The following KCNMA1 variants were observed in gnomAD, a reference collection of about 807,000 sequenced individuals.
The protein encoded by KCNMA1 is Calcium-activated potassium channel subunit alpha-1.
Under a neutral mutation model 140.0 loss-of-function variants are expected in KCNMA1, and 29 were observed. The observed-to-expected ratio is 0.21, with a 90% CI of 0.15 to 0.28. The LOEUF (loss-of-function observed/expected upper bound fraction) is 0.28, where lower values mean the gene tolerates loss of function less well. Among genes scored for constraint, KCNMA1 ranks in the 10% least tolerant of loss-of-function variants. The probability of loss-of-function intolerance (pLI) is 1.00; values close to 1 mark genes in which losing one functional copy is unlikely to be tolerated. For missense variants in KCNMA1, 880 were observed against 1,602.2 expected, an observed-to-expected ratio of 0.55 and a Z score of 7.70; for synonymous variants, 612 against 611.9, an observed-to-expected ratio of 1.00 and a Z score of 0.00.
intron 2 of KCNMA1, among the ~76,000 whole-genome samples, chr10:77,283,040 T>C (rs2154297975): frequency 6.6e-6 from 1 of 152,306 alleles, no homozygotes; most frequent in South Asian, 2.1e-4. Flanking sequence ...GAAGTTGTGG[T>C]GCCAACATAA....
At position 76,928,305 on chromosome 10, in the gene KCNMA1, ACACACG is replaced by A. The variant is rs769282527; in HGVS notation, c.2903-13262_2903-13257del. Among the ~76,000 whole-genome samples, 455 of 78,004 alleles carry A rather than the reference ACACACG, an allele frequency of 5.8e-3. 3 individuals carry two copies. Among genetic ancestry groups the A allele is most frequent in the African/African-American group, 0.014 (396 of 28,432 alleles). 51.2% of individuals were successfully genotyped at this position (78,004 alleles called of 152,430 possible). A position where few individuals can be genotyped will look rare whatever the true frequency, so the allele number is the denominator to read the frequency against. ...CACGCGCGCGCACACACACACACACACACACGCACATACACACACATATTTAGACCT... is the reference window on the plus strand; with the variant it reads ...CACGCGCGCGCACACACACACACACACACATACACACACATATTTAGACCT... On this transcript the variant is annotated intron_variant, in intron 23 of 27. Coordinates refer to ENST00000286628, the MANE Select transcript of KCNMA1 (RefSeq NM_001161352.2).
intron 27 of KCNMA1, among the ~76,000 whole-genome samples, chr10:76,888,875 G>C (rs1235985320): frequency 6.6e-6 from 1 of 151,930 alleles, no homozygotes; most frequent in African/African-American, 2.4e-5. Flanking sequence ...GACCAGCCTG[G>C]CCAACAAGCC....
intron 14 of KCNMA1, among the ~76,000 whole-genome samples, chr10:77,057,997 G>A (rs1051360912): frequency 6.6e-5 from 10 of 151,666 alleles, no homozygotes; most frequent in African/African-American, 1.7e-4. Flanking sequence ...AAAATCACCC[G>A]ACTATAAACT....
intron 2 of KCNMA1, among the ~76,000 whole-genome samples, chr10:77,318,432 G>A (rs372651596): frequency 1.7e-4 from 26 of 152,162 alleles, no homozygotes; most frequent in African/African-American, 6.0e-4. Flanking sequence ...TGCTTGTTAC[G>A]GCTCACACCA....
chr10:77,313,254 G>A (rs1268444851), intron 2 of KCNMA1, among the ~76,000 whole-genome samples: 1 of 152,094 alleles, frequency 6.6e-6, no homozygotes, highest in Non-Finnish European at 1.5e-5. Flanking sequence ...CCCAGCATTG[G>A]GCAATCCCAA....
At chr10:77,578,441 G>A (rs1238550077) in intron 1 of KCNMA1, among the ~76,000 whole-genome samples, 3 of 152,182 alleles carry the variant, frequency 2.0e-5, no homozygotes, top group Non-Finnish European at 4.4e-5. Context: ...CTCAAAAAGG[G>A]GCTTCCAGTT....
chr10:76,910,140 C>T (rs202247038), intron 24 of KCNMA1, 44 bp from the exon 25 acceptor site: 8 of 1,609,870 alleles, frequency 5.0e-6, no homozygotes, highest in Non-Finnish European at 6.8e-6. Flanking sequence ...AGACCACACA[C>T]AGGCATTGAA....
Position 77,392,988 on chromosome 10 carries a change from C to T in KCNMA1, c.540+10874G>A, listed in dbSNP as rs148086089. Among the ~76,000 whole-genome samples, 997 of 152,338 alleles carry T rather than the reference C, an allele frequency of 6.5e-3. 5 individuals are homozygous for T. Among genetic ancestry groups the T allele is most frequent in the African/African-American group, 0.023 (946 of 41,572 alleles). On this transcript the variant is annotated intron_variant, in intron 2 of 27. Transcript: ENST00000286628. ...TGACACATGCGCCCACAACGTACAG[C>T]TCCAGGGAGAGCCCAGCCCGTTCTC...
At chr10:77,611,636 AT>A (rs34020156) in intron 1 of KCNMA1, among the ~76,000 whole-genome samples, 45,787 of 151,314 alleles carry the variant, frequency 0.3, 7,094 homozygotes, top group Middle Eastern at 0.42. Flanking sequence ...ACTTATTATC[AT>A]TTTTTTTTCC....
intron 1 of KCNMA1, among the ~76,000 whole-genome samples, chr10:77,563,834 C>T (rs775743654): frequency 5.9e-5 from 9 of 152,210 alleles, no homozygotes; most frequent in African/African-American, 9.6e-5. Flanking sequence ...AGCACACCCA[C>T]GGCAAGACTC....
intron 23 of KCNMA1, among the ~76,000 whole-genome samples, chr10:76,920,020 G>GTGTGTGTGTGTGTATATATATA (rs1177257916): frequency 6.4e-4 from 22 of 34,390 alleles, no homozygotes; most frequent in African/African-American, 2.3e-3. Flanking sequence ...GTGTGTGTGT[G>GTGTGTGTGTGTGTATATATATA]TATATATATA....
chr10:77,563,819 C>T (rs946772548), intron 1 of KCNMA1, among the ~76,000 whole-genome samples: 5 of 152,162 alleles, frequency 3.3e-5, no homozygotes, highest in African/African-American at 4.8e-5. Flanking sequence ...TCTGTGGGGC[C>T]GCGTAGCACA....
At chr10:77,624,900 T>C (rs1310641026) in intron 1 of KCNMA1, among the ~76,000 whole-genome samples, 1 of 151,816 alleles carries the variant, frequency 6.6e-6, no homozygotes, top group African/African-American at 2.4e-5. Context: ...TGGGTGCTTC[T>C]AGAGGGGCTG....
chr10:77,291,044 A>C (rs2073056344), intron 2 of KCNMA1, among the ~76,000 whole-genome samples: 1 of 152,180 alleles, frequency 6.6e-6, no homozygotes, highest in Non-Finnish European at 1.5e-5. Context: ...GAAACCCAGG[A>C]AAGTTAGCAC....
At chr10:77,217,086 C>T (rs2048013104) in intron 3 of KCNMA1, among the ~76,000 whole-genome samples, 1 of 152,036 alleles carries the variant, frequency 6.6e-6, no homozygotes, top group African/African-American at 2.4e-5. Flanking sequence ...GGGCGGATCA[C>T]CTGAGGTCAG....
At chr10:77,079,594 A>G in intron 12 of KCNMA1, 44 bp from the exon 13 acceptor site, 1 of 1,311,258 alleles carries the variant, frequency 7.6e-7, no homozygotes, top group Non-Finnish European at 1.1e-6. Context: ...TGCCTTATGC[A>G]TGGTGTCTGA....
At chr10:77,602,267 G>C (rs1175457885) in intron 1 of KCNMA1, among the ~76,000 whole-genome samples, 4 of 152,162 alleles carry the variant, frequency 2.6e-5, no homozygotes, top group Non-Finnish European at 5.9e-5. Context: ...CATAGAATAG[G>C]ATAGGGGTTC....
At chr10:77,101,889 C>T (rs7897924) in intron 9 of KCNMA1, among the ~76,000 whole-genome samples, 84,770 of 151,976 alleles carry the variant, frequency 0.56, 23,796 homozygotes, top group African/African-American at 0.6. Flanking sequence ...ATCTCAAATC[C>T]GATTCCCAAG....
chr10:77,485,800 C>T (rs1223117248), intron 1 of KCNMA1, among the ~76,000 whole-genome samples: 1 of 152,120 alleles, frequency 6.6e-6, no homozygotes, highest in African/African-American at 2.4e-5. Flanking sequence ...GAGACTGGGA[C>T]CACACTGTGT....
Sources: allele counts gnomAD v4.1 joint callset (sites outside exome capture counted in the v4.1 genomes callset), GRCh38; gene constraint gnomAD v4.1.1; transcripts MANE v1.5; gene names NCBI Gene and HGNC (gene_info 2026-07-23, HGNC 2026-07-21).